MGST1: variants seen among roughly 807,000 people sequenced by gnomAD.
MGST1 encodes the protein glutathione S-transferase 12.
In MGST1, 5 loss-of-function variants were observed where a neutral mutation model predicts 8.9. The observed-to-expected ratio is 0.56, with a 90% CI of 0.29 to 1.19. MGST1 has a LOEUF of 1.19. Ranked by LOEUF, MGST1 falls within the 50% of genes most tolerant of loss-of-function variation. The pLI, the probability that MGST1 is intolerant of heterozygous loss-of-function variation, is 0.08. For missense variants in MGST1, 182 were observed against 187.4 expected (o/e 0.97, Z 0.17); for synonymous variants, 54 against 67.8 (o/e 0.80, Z 1.00).
In MGST1 at chr12:16,372,485, C is replaced by T. The variant is rs1940310837; in HGVS notation, c.222-3637C>T. 2.0e-5 allele frequency among the ~76,000 whole-genome samples: 3 copies of T among 152,074 alleles called. No homozygotes were observed. In the South Asian group the frequency reaches 6.2e-4, roughly 31 times the overall value. ...AATCAAAACCACAATGTGGTATCAT[C>T]TCACTCCAGTTAAAATGGCTTTTAC... On this transcript the variant is annotated intron_variant, in intron 3 of 3. Coordinates refer to the MGST1 transcript ENST00000535309.
rs1220605450 is a variant in MGST1 at position 16,566,038 on chromosome 12, A to ATG, written n.483-23489_483-23488insGT. 6.3e-4 allele frequency among the ~76,000 whole-genome samples: 57 copies of ATG among 90,520 alleles called. 9 individuals carry two copies. The highest frequency in any genetic ancestry group is 1.7e-3 in the South Asian group (4 of 2,324). 59.4% of individuals were successfully genotyped at this position (90,520 alleles called of 152,430 possible). On this transcript the variant is annotated intron_variant and non_coding_transcript_variant, in intron 4 of 4. Transcript: ENST00000538857. Reference sequence around the variant, plus strand: ...TATATATATATATATATATATATATATAAAATGGAGTACTATTCAGCCATA... The same window carrying ATG: ...TATATATATATATATATATATATATATGTAAAATGGAGTACTATTCAGCCATA...
At chr12:16,515,882 G>A (rs1359611586) in intron 4 of MGST1, among the ~76,000 whole-genome samples, 2 of 152,024 alleles carry the variant, frequency 1.3e-5, no homozygotes, top group Non-Finnish European at 2.9e-5. Context: ...CTAGTACTAG[G>A]AAAGAGGATA....
chr12:16,486,950 G>T (rs996802729), intron 4 of MGST1, among the ~76,000 whole-genome samples: 14 of 152,108 alleles, frequency 9.2e-5, no homozygotes, highest in African/African-American at 2.7e-4. Context: ...TCCAGGCCGC[G>T]ACTGTTTAAG....
chr12:16,554,547 A>G (rs1278519624), intron 4 of MGST1, among the ~76,000 whole-genome samples: 3 of 152,206 alleles, frequency 2.0e-5, no homozygotes, highest in Non-Finnish European at 4.4e-5. Flanking sequence ...TCCGGTTGTC[A>G]TTATACATCT....
At chr12:16,508,252 T>C (rs528792969) in intron 4 of MGST1, among the ~76,000 whole-genome samples, 85 of 152,288 alleles carry the variant, frequency 5.6e-4, no homozygotes, top group African/African-American at 2.0e-3. Flanking sequence ...AGGTGTAACT[T>C]CACCTTCTTT....
At chr12:16,485,929 TG>T (rs1941396610) in intron 4 of MGST1, among the ~76,000 whole-genome samples, 1 of 152,218 alleles carries the variant, frequency 6.6e-6, no homozygotes, top group South Asian at 2.1e-4. Flanking sequence ...ATCCCCTTCT[TG>T]TTTAATTTTC....
intron 4 of MGST1, among the ~76,000 whole-genome samples, chr12:16,499,224 G>A (rs1257760760): frequency 6.6e-6 from 1 of 152,076 alleles, no homozygotes; most frequent in South Asian, 2.1e-4. Flanking sequence ...GTTTAACTAC[G>A]TGGGTAAATG....
chr12:16,473,021 A>G (rs150847648), intron 4 of MGST1, among the ~76,000 whole-genome samples: 34 of 152,314 alleles, frequency 2.2e-4, no homozygotes, highest in African/African-American at 6.7e-4. Flanking sequence ...ATCAATCCCT[A>G]CCTTTTAGAT....
rs978340727 is a variant in MGST1, at chr12:16,450,885, G to A, written n.482+67281G>A. Reference sequence around the variant, plus strand: ...GTGTGTGTGTGTGTGTGTCACACACGGAAACTGAGACATAAAGGACCAAAT... The same window carrying A: ...GTGTGTGTGTGTGTGTGTCACACACAGAAACTGAGACATAAAGGACCAAAT... On this transcript the variant is annotated intron_variant and non_coding_transcript_variant, in intron 4 of 4. Transcript: ENST00000538857. Among the ~76,000 whole-genome samples, 13 of 148,264 alleles carry A rather than the reference G, an allele frequency of 8.8e-5. 1 individual carries two copies. The highest frequency in any genetic ancestry group is 2.2e-4 in the South Asian group (1 of 4,596).
In MGST1 at chr12:16,589,521, T is replaced by C. The variant is rs537647679; in HGVS notation, n.483-7T>C. The C allele has an allele frequency of 3.9e-5, 6 of 152,122 alleles. No homozygotes were observed. Among genetic ancestry groups the C allele is most frequent in the Non-Finnish European group, 7.4e-5 (5 of 68,014 alleles). The allele number at this position is 152,122 out of a possible 1,614,324, so 9.4% of individuals were successfully genotyped here. A position where few individuals can be genotyped will look rare whatever the true frequency, so the allele number is the denominator to read the frequency against. The stretch of plus-strand genomic sequence containing the variant: ...TAAAATCTCCTGAAAAATTATGTCT[T>C]TTTTAGGTTGCTGCAGAAGTCAAGA... On this transcript the variant is annotated splice_region_variant and splice_polypyrimidine_tract_variant and intron_variant and non_coding_transcript_variant, in intron 4 of 4. Transcript: ENST00000538857. The surrounding 1 kb of genome is among the most constrained non-coding windows in gnomAD (Gnocchi z 4.2).
At chr12:16,520,384 G>A (rs1288246793) in intron 4 of MGST1, among the ~76,000 whole-genome samples, 3 of 152,154 alleles carry the variant, frequency 2.0e-5, no homozygotes, top group Non-Finnish European at 1.5e-5. Context: ...GGAAAGATTA[G>A]TATAATAAAT....
In MGST1 at chr12:16,513,762, C is replaced by A; in HGVS notation, n.483-75766C>A. The A allele has an allele frequency of 1.7e-6, 1 of 581,854 alleles. No homozygotes were observed. Among genetic ancestry groups the A allele is most frequent in the South Asian group, 1.4e-5 (1 of 71,744 alleles). The allele number at this position is 581,854 out of a possible 1,614,324, so 36.0% of individuals were successfully genotyped here. A position where few individuals can be genotyped will look rare whatever the true frequency, so the allele number is the denominator to read the frequency against. ...AAGTCTCGAAAAGTGGCCGGTTTGT[C>A]ACTGTGCAGACCATTTCTGGAACTA... On this transcript the variant is annotated intron_variant and non_coding_transcript_variant, in intron 4 of 4. Transcript: ENST00000538857. This position sits in a 1 kb window ranked among gnomAD's most constrained non-coding sequence, Gnocchi z 4.2.
At chr12:16,365,744 C>CACACACAT (rs1555096034), downstream of MGST1, among the ~76,000 whole-genome samples, 3 of 100,176 alleles carry the variant, frequency 3.0e-5, no homozygotes, top group East Asian at 4.2e-4. Context: ...CGTGCACGCG[C>CACACACAT]ACACACACAC....
intron 4 of MGST1, among the ~76,000 whole-genome samples, chr12:16,539,189 T>C (rs1941777972): frequency 6.6e-6 from 1 of 152,168 alleles, no homozygotes; most frequent in Admixed American, 6.5e-5. Context: ...TAACATATAA[T>C]CTATCACTCT....
At chr12:16,568,827 T>G (rs1353078867) in intron 4 of MGST1, among the ~76,000 whole-genome samples, 1 of 152,194 alleles carries the variant, frequency 6.6e-6, no homozygotes, top group African/African-American at 2.4e-5. Context: ...CCTGGATATA[T>G]GACAGTTATA....
intron 1 of MGST1, among the ~76,000 whole-genome samples, chr12:16,411,444 G>A (rs1045446101): frequency 6.6e-6 from 1 of 152,128 alleles, no homozygotes. Flanking sequence ...AGAAAATATT[G>A]CCTATGATAT....
chr12:16,489,307 A>G (rs1275816918), intron 4 of MGST1, among the ~76,000 whole-genome samples: 3 of 151,870 alleles, frequency 2.0e-5, no homozygotes, highest in African/African-American at 4.8e-5. Context: ...TCTCTAGTTC[A>G]TGTTTGCTTT....
chr12:16,451,317 G>A (rs985467518), intron 4 of MGST1, among the ~76,000 whole-genome samples: 1 of 151,800 alleles, frequency 6.6e-6, no homozygotes, highest in African/African-American at 2.4e-5. Context: ...GGTCCCATGA[G>A]GCTAAAACAG....
intron 4 of MGST1, among the ~76,000 whole-genome samples, chr12:16,463,111 A>C (rs1941231832): frequency 6.6e-6 from 1 of 152,172 alleles, no homozygotes; most frequent in Non-Finnish European, 1.5e-5. Flanking sequence ...GTTTCTTAAA[A>C]AACTAAGCAA....
Sources: gnomAD v4.1 joint callset for allele counts (sites outside exome capture counted in the v4.1 genomes callset) on GRCh38, gnomAD v4.1.1 for gene constraint, Gnocchi (gnomAD v3.1) non-coding constraint, MANE v1.5 for transcripts, NCBI Gene and HGNC (gene_info 2026-07-23, HGNC 2026-07-21) for gene names.